OTUD5: variants seen among roughly 807,000 people sequenced by gnomAD.
OTUD5 encodes OTU domain-containing protein 5.
A neutral mutation model predicts 36.3 loss-of-function variants in OTUD5; 2 were observed. That is an observed-to-expected ratio of 0.06 (90% CI 0.02 to 0.17). The LOEUF (loss-of-function observed/expected upper bound fraction) is 0.17. Ranked by LOEUF, OTUD5 falls within the 10% of genes least tolerant of loss-of-function variation. OTUD5 has a pLI of 1.00. For synonymous variants in OTUD5, 234 were observed against 214.9 expected (o/e 1.09, Z -0.78); for missense variants, 233 against 512.3 (o/e 0.45, Z 5.26).
chrX:48,943,714 C>T (rs781798064), intron 2 of OTUD5, among the ~76,000 whole-genome samples: 4 of 111,481 alleles, frequency 3.6e-5, no homozygotes, highest in African/African-American at 6.5e-5. Context: ...TGGGTATAAA[C>T]CTAGGGGTCA....
chrX:48,929,675 C>T (rs1173878947), intron 5 of OTUD5, among the ~76,000 whole-genome samples: 3 of 108,061 alleles, frequency 2.8e-5, no homozygotes, highest in Non-Finnish European at 3.8e-5. Context: ...GAGTTGAGAT[C>T]ATCGCACCAC....
chrX:48,949,709 C>T (rs904896678), intron 1 of OTUD5, among the ~76,000 whole-genome samples: 1 of 109,819 alleles, frequency 9.1e-6, no homozygotes, highest in South Asian at 3.9e-4. Flanking sequence ...AAAAATTAAC[C>T]GGGCATGGTG....
intron 5 of OTUD5, 144 bp downstream of exon 5, chrX:48,934,320 A>AT (rs10715761): frequency 0.039 from 13,904 of 355,615 alleles, no homozygotes; most frequent in East Asian, 0.048. Context: ...GTAACTCCCT[A>AT]TTTTTTTTTT....
intron 2 of OTUD5, chrX:48,940,887 C>A (rs1223521222): frequency 3.6e-5 from 4 of 111,851 alleles, no homozygotes; most frequent in African/African-American, 1.3e-4. Context: ...TCAGGGGAAC[C>A]AATGGCAGGC....
intron 2 of OTUD5, among the ~76,000 whole-genome samples, chrX:48,937,774 T>C: frequency 8.9e-6 from 1 of 112,067 alleles, no homozygotes; most frequent in East Asian, 2.8e-4. Context: ...GCACAGTAGG[T>C]GGTCAAGAAA....
In OTUD5 at chrX:48,936,587, C is replaced by T. The variant is rs191894134; in HGVS notation, c.689-1569G>A. Reference sequence around the variant, plus strand: ...TACAGTTCCCCACTACCCAGGACACCTCTATCACCAGATTTATCAAAGGTG... The same window carrying T: ...TACAGTTCCCCACTACCCAGGACACTTCTATCACCAGATTTATCAAAGGTG... On this transcript the variant is annotated intron_variant, in intron 2 of 8. Coordinates refer to ENST00000376488, the MANE Select transcript of OTUD5 (RefSeq NM_001136157.2). Among the ~76,000 whole-genome samples, 433 of 111,107 alleles carry T rather than the reference C, an allele frequency of 3.9e-3. 2 individuals carry two copies. Among genetic ancestry groups the T allele is most frequent in the African/African-American group, 0.013 (397 of 30,532 alleles).
upstream of OTUD5, chrX:48,957,731 CGGCGGCGGCGGCGGCGGCGGT>C (rs1569517761): frequency 1.1e-5 from 8 of 698,572 alleles, no homozygotes; most frequent in African/African-American, 3.5e-5. Flanking sequence ...GCGGAGGAGG[CGGCGGCGGCGGCGGCGGCGGT>C]GGCGGCGCGC....
chrX:48,939,161 G>C (rs1342326764), intron 2 of OTUD5, among the ~76,000 whole-genome samples: 1 of 111,122 alleles, frequency 9.0e-6, no homozygotes, highest in African/African-American at 3.3e-5. Flanking sequence ...GGGAGTGAAG[G>C]GGAGGCCAGG....
intron 5 of OTUD5, among the ~76,000 whole-genome samples, chrX:48,930,581 C>A (rs1040010273): frequency 7.1e-5 from 8 of 112,148 alleles, no homozygotes; most frequent in Non-Finnish European, 1.5e-4. Flanking sequence ...GAAGCATGGA[C>A]AACCTGATAT....
intron 1 of OTUD5, among the ~76,000 whole-genome samples, chrX:48,955,393 C>T (rs1557054923): frequency 9.0e-6 from 1 of 111,276 alleles, no homozygotes; most frequent in Non-Finnish European, 1.9e-5. Flanking sequence ...TATCCATGCC[C>T]CAAGGGAAGA....
At position 48,957,334 on chromosome X, in the gene OTUD5, A is replaced by G; in HGVS notation, c.237T>C (p.His79=). The change falls in exon 1 of 9, where the codon CAT becomes CAC. Residue 79 remains histidine (H), a synonymous_variant. Transcript: ENST00000376488. ...GPLPGPPGAL[H]RWALAVPPGA... The stretch of plus-strand genomic sequence containing the variant: ...CAGGCGGCACGGCCAGCGCCCAGCG[A>G]TGAAGAGCGCCCGGCGGTCCTGGTA... The G allele has an allele frequency of 8.8e-7, 1 of 1,132,882 alleles. No individual in the cohort carries two copies. The highest frequency in any genetic ancestry group is 1.2e-6 in the Non-Finnish European group (1 of 865,106). The allele number at this position is 1,132,882 out of a possible 1,213,427, so 93.4% of individuals were successfully genotyped here. A position where few individuals can be genotyped will look rare whatever the true frequency, so the allele number is the denominator to read the frequency against.
chrX:48,935,588 G>C (rs933602102), intron 2 of OTUD5, among the ~76,000 whole-genome samples: 6 of 111,265 alleles, frequency 5.4e-5, no homozygotes, highest in Non-Finnish European at 1.1e-4. Context: ...TGAGTGACCA[G>C]AGGCAAGTGA....
chrX:48,930,195 T>C (rs1178514548), intron 5 of OTUD5, among the ~76,000 whole-genome samples: 1 of 111,652 alleles, frequency 9.0e-6, no homozygotes, highest in Non-Finnish European at 1.9e-5. Flanking sequence ...ATGAATGGAG[T>C]CTGTAACACC....
chrX:48,935,887 C>T (rs1429547523), intron 2 of OTUD5, among the ~76,000 whole-genome samples: 19 of 97,237 alleles, frequency 2.0e-4, no homozygotes, highest in Non-Finnish European at 4.0e-5. Context: ...TGCAGTGAGC[C>T]GAGATCATGC....
intron 5 of OTUD5, among the ~76,000 whole-genome samples, chrX:48,931,490 C>T (rs2063749783): frequency 8.9e-6 from 1 of 112,473 alleles, no homozygotes; most frequent in Admixed American, 9.4e-5. Context: ...TTAATAGTAA[C>T]GTATTAGGCT....
At chrX:48,950,537 C>CTTTTT (rs781905691) in intron 1 of OTUD5, among the ~76,000 whole-genome samples, 5 of 83,066 alleles carry the variant, frequency 6.0e-5, no homozygotes, top group Non-Finnish European at 1.2e-4. Flanking sequence ...TTCTCTCTCT[C>CTTTTT]TTTTTTTTTT....
chrX:48,948,566 GGTTT>G (rs1393591614), intron 1 of OTUD5, among the ~76,000 whole-genome samples: 1 of 111,079 alleles, frequency 9.0e-6, no homozygotes, highest in African/African-American at 3.3e-5. Context: ...CGCACTGCAG[GGTTT>G]GGGTCCTGGG....
chrX:48,927,591 T>A (rs2063686094), intron 5 of OTUD5, among the ~76,000 whole-genome samples: 1 of 110,798 alleles, frequency 9.0e-6, no homozygotes, highest in Middle Eastern at 4.4e-3. Flanking sequence ...ATGCACAGAG[T>A]GAGATATGGG....
chrX:48,924,164 A>G, intron 6 of OTUD5, 112 bp from the exon 7 acceptor site: 1 of 690,096 alleles, frequency 1.4e-6, no homozygotes. Context: ...TACAGCTTCT[A>G]TGTAGGTCAA....
Sources: gnomAD v4.1 joint callset for allele counts (sites outside exome capture counted in the v4.1 genomes callset) on GRCh38, gnomAD v4.1.1 for gene constraint, MANE v1.5 for transcripts, NCBI Gene and HGNC (gene_info 2026-07-23, HGNC 2026-07-21) for gene names.